The following ABLIM2 variants were observed in gnomAD, a reference collection of about 807,000 sequenced individuals.
ABLIM2 encodes the protein actin binding LIM protein family member 2, also known as actin-binding LIM protein 2.
In ABLIM2, 53 loss-of-function variants were observed where a neutral mutation model predicts 97.7. The ratio of observed to expected loss-of-function variants is 0.54; its 90% CI spans 0.44 to 0.68. The LOEUF (loss-of-function observed/expected upper bound fraction) is 0.68. ABLIM2 is among the 30% of genes least tolerant of loss of function. ABLIM2 has a pLI of 0.00. For synonymous variants in ABLIM2, 361 were observed against 345.8 expected, an observed-to-expected ratio of 1.04 and a Z score of -0.49; for missense variants, 835 against 867.2, an observed-to-expected ratio of 0.96 and a Z score of 0.47.
intron 20 of ABLIM2, among the ~76,000 whole-genome samples, chr4:7,977,805 T>TG (rs1734735303): frequency 6.6e-6 from 1 of 150,672 alleles, no homozygotes; most frequent in African/African-American, 2.4e-5. Context: ...AATAAATAAA[T>TG]AAATAAATAA....
At chr4:8,026,105 G>C (rs1382275135) in intron 12 of ABLIM2, among the ~76,000 whole-genome samples, 1 of 152,188 alleles carries the variant, frequency 6.6e-6, no homozygotes, top group Admixed American at 6.5e-5. Flanking sequence ...ACTGCTGGCC[G>C]AAGCAATCCT....
chr4:7,990,978 C>T (rs907305958), intron 17 of ABLIM2, among the ~76,000 whole-genome samples: 8 of 152,186 alleles, frequency 5.3e-5, no homozygotes, highest in East Asian at 3.8e-4. Context: ...ATGAGTTCTG[C>T]GCATATCAGC....
rs1405123569 is a variant in ABLIM2 at position 8,091,555 on chromosome 4, TTA to T, written c.339-3273_339-3272del. Among the ~76,000 whole-genome samples the T allele has an allele frequency of 5.5e-4, 24 of 43,712 alleles. 2 individuals carry two copies. The highest frequency in any genetic ancestry group is 2.6e-3 in the East Asian group (3 of 1,176). The allele number at this position is 43,712 out of a possible 152,430, so 28.7% of individuals were successfully genotyped here. A position where few individuals can be genotyped will look rare whatever the true frequency, so the allele number is the denominator to read the frequency against. ...ATAAAATTATATATAATATTTATAA[TTA>T]TATATATTATATATAATTTTATATA... On this transcript the variant is annotated intron_variant, in intron 3 of 20. Transcript: ENST00000447017.
At chr4:8,154,183 C>T (rs1308237826) in intron 1 of ABLIM2, among the ~76,000 whole-genome samples, 3 of 151,364 alleles carry the variant, frequency 2.0e-5, no homozygotes, top group East Asian at 1.9e-4. Flanking sequence ...AGGATGGTCT[C>T]CATCTCCTGA....
At chr4:8,097,528 G>A (rs566755527) in intron 2 of ABLIM2, among the ~76,000 whole-genome samples, 29 of 152,302 alleles carry the variant, frequency 1.9e-4, no homozygotes, top group Middle Eastern at 3.4e-3. Context: ...GGCACTGACC[G>A]GGACAAGAGC....
intron 6 of ABLIM2, among the ~76,000 whole-genome samples, chr4:8,074,484 T>C (rs1045238520): frequency 1.3e-5 from 2 of 152,106 alleles, no homozygotes; most frequent in Non-Finnish European, 2.9e-5. Flanking sequence ...CAAGATCCCA[T>C]GTTTCCACCT....
rs75794098 is a variant in ABLIM2, at chr4:8,006,960, C to T, written c.1618+1099G>A. On this transcript the variant is annotated intron_variant, in intron 16 of 20. Transcript: ENST00000447017. ...GGTATTTACAAAGCTGCACCCCAGG[C>T]GGGGGCAGAGGCCTGAGGGGTGCAC... 3.4e-4 allele frequency: 311 copies of T among 923,144 alleles called. 7 individuals carry two copies. The East Asian group carries it at 0.028, about 82-fold the overall frequency. The allele number at this position is 923,144 out of a possible 1,614,324, so 57.2% of individuals were successfully genotyped here.
In ABLIM2 at chr4:8,043,185, G is replaced by A. The variant is rs563547117; in HGVS notation, c.900+1979C>T. On this transcript the variant is annotated intron_variant, in intron 9 of 20. Transcript: ENST00000447017. This position sits in a 1 kb window ranked among gnomAD's most constrained non-coding sequence, Gnocchi z 4.8. ...AACTAAAAAGGACAGTCCTCCCTGG[G>A]TCTTTGGACCTGCGTCCCTGAAGGC... Among the ~76,000 whole-genome samples the A allele has an allele frequency of 3.6e-4, 55 of 152,218 alleles. No individual in the cohort carries two copies. In the South Asian group the frequency reaches 6.0e-3, roughly 17 times the overall value.
rs1444975399 is a variant in ABLIM2, at chr4:8,130,492, A to G, written c.11-23855T>C. ...GCCGGGCACTGATCTGGGCCTTTCCACAGCTTTTTAGAATATCAAGTTGTC... is the reference window on the plus strand; with the variant it reads ...GCCGGGCACTGATCTGGGCCTTTCCGCAGCTTTTTAGAATATCAAGTTGTC... On this transcript the variant is annotated intron_variant, in intron 1 of 20. Coordinates refer to ENST00000447017, the MANE Select transcript of ABLIM2 (RefSeq NM_001130083.2). The surrounding 1 kb of genome is among the most constrained non-coding windows in gnomAD (Gnocchi z 4.2). Among the ~76,000 whole-genome samples, 4 of 152,072 alleles carry G rather than the reference A, an allele frequency of 2.6e-5. No individual in the cohort carries two copies. Among genetic ancestry groups the G allele is most frequent in the Non-Finnish European group, 2.9e-5 (2 of 67,988 alleles).
intron 17 of ABLIM2, among the ~76,000 whole-genome samples, chr4:7,988,083 G>A (rs1745828385): frequency 6.6e-6 from 1 of 152,190 alleles, no homozygotes; most frequent in South Asian, 2.1e-4. Context: ...GAGTGCAGTG[G>A]TGTGATCTCG....
chr4:7,998,717 G>A lies in ABLIM2; in HGVS notation c.1619-5790C>T, dbSNP rs529530315. Reference sequence around the variant, plus strand: ...CAGGTCTGGGCCACCTCCTGCCACTGCATGGGAGGCTGGGAGTCTGCTGGC... The same window carrying A: ...CAGGTCTGGGCCACCTCCTGCCACTACATGGGAGGCTGGGAGTCTGCTGGC... On this transcript the variant is annotated intron_variant, in intron 16 of 20. Coordinates refer to ENST00000447017, the MANE Select transcript of ABLIM2 (RefSeq NM_001130083.2). The surrounding 1 kb of genome is among the most constrained non-coding windows in gnomAD (Gnocchi z 6.4). 259 of 492,512 alleles carry A rather than the reference G, an allele frequency of 5.3e-4. 8 individuals carry two copies. Among genetic ancestry groups the A allele is most frequent in the South Asian group, 3.7e-3 (248 of 67,544 alleles). 30.5% of individuals were successfully genotyped at this position (492,512 alleles called of 1,614,324 possible).
rs1295711998 is a variant in ABLIM2, at chr4:8,128,358, T to A, written c.11-21721A>T. Among the ~76,000 whole-genome samples the A allele has an allele frequency of 1.3e-5, 2 of 152,094 alleles. No individual in the cohort carries two copies. The highest frequency in any genetic ancestry group is 4.8e-5 in the African/African-American group (2 of 41,394). ...GTGGGTGGGGCCACAAGAAGACGTG[T>A]CTCTATCTAGCGAATCAGAGTCCAG... On this transcript the variant is annotated intron_variant, in intron 1 of 20. Coordinates refer to ENST00000447017, the MANE Select transcript of ABLIM2 (RefSeq NM_001130083.2). The surrounding 1 kb of genome is among the most constrained non-coding windows in gnomAD (Gnocchi z 4.9).
intron 1 of ABLIM2, among the ~76,000 whole-genome samples, chr4:8,109,602 T>C (rs948653593): frequency 3.3e-5 from 5 of 152,044 alleles, no homozygotes; most frequent in Admixed American, 6.5e-5. Flanking sequence ...TGCCCACGGA[T>C]GGAACTGTGA....
rs760676768 is a variant in ABLIM2, at chr4:8,036,198, T to C, written c.998A>G (p.Tyr333Cys). The change falls in exon 10 of 21, where the codon TAC becomes TGC. Residue 333 changes from tyrosine to cysteine, a missense_variant. Tyr to Cys is a radical substitution (Grantham distance 194). Transcript: ENST00000447017. ...TGCAGAGTGGCTGATGTAGGGTGAG[T>C]AGGAGATCATGTCGGGGCGGTCGAT... is the stretch of plus-strand genomic sequence containing the variant. ...YDIDRPDMISYSPYISHSAGD... is the reference protein window; with the variant it reads ...YDIDRPDMISCSPYISHSAGD... 6.2e-7 allele frequency: 1 copy of C among 1,613,710 alleles called. No homozygotes were observed. The highest frequency in any genetic ancestry group is 8.5e-7 in the Non-Finnish European group (1 of 1,179,782).
At chr4:8,077,128 A>T (rs550018645) in intron 6 of ABLIM2, among the ~76,000 whole-genome samples, 4 of 152,130 alleles carry the variant, frequency 2.6e-5, no homozygotes, top group African/African-American at 9.7e-5. Context: ...AACAAAACGC[A>T]GAAAAGGGCA....
intron 16 of ABLIM2, among the ~76,000 whole-genome samples, chr4:8,000,437 G>A (rs1756335100): frequency 6.6e-6 from 1 of 152,152 alleles, no homozygotes; most frequent in African/African-American, 2.4e-5. Flanking sequence ...TTTCTCTTGT[G>A]CACAAGGTCA....
At position 8,088,128 on chromosome 4, in the gene ABLIM2, C is replaced by T. The variant is rs756062318; in HGVS notation, c.454+41G>A. On this transcript the variant is annotated intron_variant, in intron 4 of 20. Transcript: ENST00000447017. ...CACCCATTTAGCACCCCCCACTCAG[C>T]ATGCCCCCACTCAACATGCCCCCAC... is the stretch of plus-strand genomic sequence containing the variant. The T allele has an allele frequency of 6.0e-6, 6 of 996,594 alleles. No individual in the cohort carries two copies. In the South Asian group the frequency reaches 7.7e-5, roughly 13 times the overall value. The allele number at this position is 996,594 out of a possible 1,614,324, so 61.7% of individuals were successfully genotyped here. A position where few individuals can be genotyped will look rare whatever the true frequency, so the allele number is the denominator to read the frequency against.
chr4:8,154,662 C>G (rs1433313310), intron 1 of ABLIM2, among the ~76,000 whole-genome samples: 1 of 152,206 alleles, frequency 6.6e-6, no homozygotes, highest in Non-Finnish European at 1.5e-5. Flanking sequence ...TGGGTAGTAA[C>G]TTCATATACA....
intron 17 of ABLIM2, among the ~76,000 whole-genome samples, chr4:7,991,190 G>A (rs1748424431): frequency 6.6e-6 from 1 of 152,214 alleles, no homozygotes; most frequent in East Asian, 1.9e-4. Context: ...GTGGCTTCTG[G>A]AGACCATGAC....
Sources: gnomAD v4.1 joint callset for allele counts (sites outside exome capture counted in the v4.1 genomes callset) on GRCh38, gnomAD v4.1.1 for gene constraint, Gnocchi (gnomAD v3.1) non-coding constraint, MANE v1.5 for transcripts, NCBI Gene and HGNC (gene_info 2026-07-23, HGNC 2026-07-21) for gene names.